GSE1: variants seen among roughly 807,000 people sequenced by gnomAD.
The protein encoded by GSE1 is genetic suppressor element 1.
Under a neutral mutation model 112.6 loss-of-function variants are expected in GSE1, and 32 were observed. The ratio of observed to expected loss-of-function variants is 0.28; its 90% CI spans 0.21 to 0.38. The LOEUF is 0.38. GSE1 is among the 10% of genes least tolerant of loss of function. The pLI is 1.00. For missense variants in GSE1, 2,348 were observed against 1,699.2 expected (o/e 1.38, Z -6.71); for synonymous variants, 1,115 against 735.6 (o/e 1.52, Z -8.35).
At chr16:85,547,048 G>T (rs570170239) in intron 2 of GSE1, among the ~76,000 whole-genome samples, 1 of 152,228 alleles carries the variant, frequency 6.6e-6, no homozygotes, top group Admixed American at 6.5e-5. Flanking sequence ...GTGGAGGGCG[G>T]GCAGCCTCAC....
At chr16:85,565,263 G>C (rs1008039779) in intron 1 of GSE1, among the ~76,000 whole-genome samples, 39 of 152,106 alleles carry the variant, frequency 2.6e-4, no homozygotes, top group Non-Finnish European at 5.6e-4. Flanking sequence ...ATGGTGGTGC[G>C]TGCCTGTAAT....
intron 1 of GSE1, among the ~76,000 whole-genome samples, chr16:85,323,932 C>T (rs546926007): frequency 4.6e-5 from 7 of 152,334 alleles, no homozygotes; most frequent in African/African-American, 1.7e-4. Flanking sequence ...CCGAATCTGC[C>T]TTGAGCCCAG....
At chr16:85,300,285 T>C (rs1296912006) in intron 1 of GSE1, among the ~76,000 whole-genome samples, 1 of 152,210 alleles carries the variant, frequency 6.6e-6, no homozygotes, top group African/African-American at 2.4e-5. Flanking sequence ...GTGCTGGGAT[T>C]ACAGGCGTGA....
intron 1 of GSE1, among the ~76,000 whole-genome samples, chr16:85,208,731 T>G (rs1490117396): frequency 6.7e-6 from 1 of 149,676 alleles, no homozygotes; most frequent in Non-Finnish European, 1.5e-5. Flanking sequence ...GGGCCGCAGT[T>G]GACTGCTGCC....
At chr16:85,181,449 T>A (rs1375051737) in intron 1 of GSE1, among the ~76,000 whole-genome samples, 1 of 152,140 alleles carries the variant, frequency 6.6e-6, no homozygotes, top group Non-Finnish European at 1.5e-5. Flanking sequence ...CAGGGGTGCT[T>A]CTGGGAGGCG....
chr16:85,339,253 C>T (rs75289636), intron 1 of GSE1, among the ~76,000 whole-genome samples: 3,219 of 152,258 alleles, frequency 0.021, 114 homozygotes, highest in African/African-American at 0.073. Context: ...TCCACCTGGG[C>T]GTGGATGCCA....
At position 85,656,571 on chromosome 16, in the gene GSE1, C is replaced by G; in HGVS notation, c.1218C>G (p.Pro406=). Reference sequence around the variant, plus strand: ...TGCTGGCCGCCAAGGCCCTGGAGCCCAGCTTCCTGCCCGTGGCCGAGCTGC... The same window carrying G: ...TGCTGGCCGCCAAGGCCCTGGAGCCGAGCTTCCTGCCCGTGGCCGAGCTGC... The part of the protein sequence containing the change: ...KELLAAKALE[P]SFLPVAELHG... The change falls in exon 7 of 16, where the codon CCC becomes CCG. Residue 406 remains proline (P), a synonymous_variant. Transcript: ENST00000253458. 1 of 1,547,772 alleles carries G rather than the reference C, an allele frequency of 6.5e-7. No individual in the cohort carries two copies. The highest frequency in any genetic ancestry group is 8.7e-7 in the Non-Finnish European group (1 of 1,145,970).
At chr16:85,525,023 G>A (rs948860167) in intron 2 of GSE1, among the ~76,000 whole-genome samples, 3 of 152,172 alleles carry the variant, frequency 2.0e-5, no homozygotes, top group Admixed American at 6.5e-5. Flanking sequence ...TGATCCGGCC[G>A]TCTCACTGGC....
intron 2 of GSE1, among the ~76,000 whole-genome samples, chr16:85,463,566 G>C (rs1311877834): frequency 1.3e-5 from 2 of 152,180 alleles, no homozygotes; most frequent in Admixed American, 6.5e-5. Flanking sequence ...GGCTGCTTGT[G>C]TGTGGACTTC....
intron 2 of GSE1, among the ~76,000 whole-genome samples, chr16:85,634,864 G>A (rs1185357971): frequency 2.0e-5 from 3 of 152,188 alleles, no homozygotes; most frequent in Non-Finnish European, 4.4e-5. Context: ...GGCACAAATG[G>A]GGAGGGGCAG....
At chr16:85,655,941 G>T (rs201125766) in intron 6 of GSE1, 24 bp downstream of exon 6, 6 of 1,569,896 alleles carry the variant, frequency 3.8e-6, no homozygotes, top group Non-Finnish European at 2.6e-6. Flanking sequence ...GAGCCGAGGA[G>T]CCCCTCTGCC....
At position 85,656,597 on chromosome 16, in the gene GSE1, A is replaced by C; in HGVS notation, c.1244A>C (p.His415Pro). ...EPSFLPVAEL[H>P]GLRGHATEER... is the part of the protein sequence containing the mutation. ...AGCTTCCTGCCCGTGGCCGAGCTGC[A>C]TGGGCTGCGTGGCCATGCCACTGAG... The change falls in exon 7 of 16, where the codon CAT becomes CCT. Residue 415 changes from histidine to proline, a missense_variant. His to Pro is a moderately conservative substitution (Grantham distance 77). Transcript: ENST00000253458. 1 of 1,546,716 alleles carries C rather than the reference A, an allele frequency of 6.5e-7. No individual in the cohort carries two copies. Among genetic ancestry groups the C allele is most frequent in the Non-Finnish European group, 8.7e-7 (1 of 1,145,400 alleles).
intron 2 of GSE1, among the ~76,000 whole-genome samples, chr16:85,459,390 G>C (rs902075094): frequency 6.6e-6 from 1 of 152,218 alleles, no homozygotes; most frequent in Non-Finnish European, 1.5e-5. Flanking sequence ...GAGTGACTTT[G>C]GGTTTCAGCT....
intron 2 of GSE1, among the ~76,000 whole-genome samples, chr16:85,449,416 G>C (rs143562078): frequency 1.0e-4 from 16 of 152,382 alleles, no homozygotes; most frequent in African/African-American, 3.6e-4. Flanking sequence ...GGCCGCATGG[G>C]GGGCGGGGAA....
chr16:85,204,854 C>T (rs1320071011), intron 1 of GSE1, among the ~76,000 whole-genome samples: 1 of 152,218 alleles, frequency 6.6e-6, no homozygotes, highest in African/African-American at 2.4e-5. Flanking sequence ...TGTGTGCTCA[C>T]AGCTGTTTAC....
At chr16:85,414,576 G>C (rs2048660663) in intron 2 of GSE1, among the ~76,000 whole-genome samples, 1 of 152,232 alleles carries the variant, frequency 6.6e-6, no homozygotes, top group South Asian at 2.1e-4. Context: ...TGGGGCTTTG[G>C]AGAAGGGAGA....
chr16:85,487,741 G>A (rs1418566614), intron 2 of GSE1, among the ~76,000 whole-genome samples: 1 of 152,204 alleles, frequency 6.6e-6, no homozygotes, highest in South Asian at 2.1e-4. Context: ...AATGGGCGGT[G>A]GTGGGGGAAG....
intron 2 of GSE1, among the ~76,000 whole-genome samples, chr16:85,477,244 G>A (rs1223285094): frequency 1.3e-5 from 2 of 152,210 alleles, no homozygotes; most frequent in Admixed American, 6.5e-5. Context: ...ACCCCGGGGG[G>A]CACTGGGTGG....
In GSE1 at chr16:85,663,087, C is replaced by T. The variant is rs772214632; in HGVS notation, c.2367C>T (p.Ser789=). 3 of 1,600,500 alleles carry T rather than the reference C, an allele frequency of 1.9e-6. No homozygotes were observed. Among genetic ancestry groups the T allele is most frequent in the Non-Finnish European group, 2.6e-6 (3 of 1,169,054 alleles). Residue 789 remains serine (S), a synonymous_variant, in exon 10 of 16, where the codon TCC becomes TCT. Coordinates refer to ENST00000253458, the MANE Select transcript of GSE1 (RefSeq NM_014615.5). The stretch of plus-strand genomic sequence containing the variant: ...AGCCGCCCCTCAAACTGGACACGTC[C>T]TCTGAGGTACTGGGCTCTCCTCCCC... The part of the protein sequence containing the change: ...AEQPPLKLDT[S]SEKLEFLQLF...
Sources: allele counts gnomAD v4.1 joint callset (sites outside exome capture counted in the v4.1 genomes callset), GRCh38; gene constraint gnomAD v4.1.1; transcripts MANE v1.5; gene names NCBI Gene and HGNC (gene_info 2026-07-23, HGNC 2026-07-21).